The following SLC6A17 variants were observed in gnomAD, a reference collection of about 807,000 sequenced individuals.
SLC6A17 encodes solute carrier family 6 member 17.
Under a neutral mutation model 64.5 loss-of-function variants are expected in SLC6A17, and 21 were observed. That is an observed-to-expected ratio of 0.33 (90% confidence interval 0.23 to 0.47). SLC6A17 has a LOEUF of 0.47. SLC6A17 is among the 20% of genes least tolerant of loss of function. The pLI is 1.00. For missense variants in SLC6A17, 682 were observed against 963.2 expected (o/e 0.71, Z 3.86); for synonymous variants, 372 against 399.5 (o/e 0.93, Z 0.82).
Position 110,176,756 on chromosome 1 carries a change from C to T in SLC6A17, c.864+17C>T, listed in dbSNP as rs1375150910. The T allele has an allele frequency of 2.5e-6, 4 of 1,601,812 alleles. No homozygotes were observed. Among genetic ancestry groups the T allele is most frequent in the Admixed American group, 1.7e-5 (1 of 59,362 alleles). On this transcript the variant is annotated intron_variant, in intron 6 of 11. Coordinates refer to ENST00000331565, the MANE Select transcript of SLC6A17 (RefSeq NM_001010898.4). ...ACTCCCAAGGTAAGGGTTTGGGGCT[C>T]CCACATGCCAGGGAACAGCAACAGG...
At chr1:110,195,842 G>C in intron 10 of SLC6A17, 97 bp downstream of exon 10, 1 of 1,530,970 alleles carries the variant, frequency 6.5e-7, no homozygotes, top group South Asian at 1.2e-5. Flanking sequence ...TGGCAGAGCT[G>C]AAAGTGCCCT....
At chr1:110,189,405 C>T (rs1280935342) in intron 6 of SLC6A17, among the ~76,000 whole-genome samples, 2 of 152,134 alleles carry the variant, frequency 1.3e-5, no homozygotes, top group Non-Finnish European at 2.9e-5. Context: ...CCAGTCCATC[C>T]CGAAGGTCTC....
chr1:110,198,336 T>C lies in SLC6A17; in HGVS notation c.2076T>C (p.Arg692=). The change falls in exon 12 of 12, where the codon CGT becomes CGC. Residue 692 remains arginine, a synonymous_variant. Transcript: ENST00000331565. ...SEAPSPMPTH[R]SYLGPGSTSP... The stretch of plus-strand genomic sequence containing the variant: ...CACCTTCCCCCATGCCCACTCACCG[T>C]TCCTATCTGGGGCCCGGCAGCACAT... 3 of 1,614,128 alleles carry C rather than the reference T, an allele frequency of 1.9e-6. No individual in the cohort carries two copies. The highest frequency in any genetic ancestry group is 2.5e-6 in the Non-Finnish European group (3 of 1,179,996).
chr1:110,195,615 G>A lies in SLC6A17; in HGVS notation c.1522G>A (p.Gly508Arg). ...VGCCVFAFLV[G>R]LLFVQRSGNY... Reference sequence around the variant, plus strand: ...CTGCTGTGTCTTTGCATTCCTCGTGGGGCTGTTGTTCGTCCAGCGCTCCGG... The same window carrying A: ...CTGCTGTGTCTTTGCATTCCTCGTGAGGCTGTTGTTCGTCCAGCGCTCCGG... The change falls in exon 10 of 12, where the codon GGG (glycine) becomes AGG (arginine). Residue 508 changes from glycine (G) to arginine (R), a missense_variant. Gly to Arg is a moderately radical substitution (Grantham distance 125). This residue lies in a region of SLC6A17 where 264 missense variants were observed against 339.5 expected (regional missense o/e 0.78). Coordinates refer to ENST00000331565, the MANE Select transcript of SLC6A17 (RefSeq NM_001010898.4). 6.2e-7 allele frequency: 1 copy of A among 1,614,212 alleles called. No individual in the cohort carries two copies. Among genetic ancestry groups the A allele is most frequent in the Non-Finnish European group, 8.5e-7 (1 of 1,180,036 alleles).
chr1:110,192,762 G>T lies in SLC6A17; in HGVS notation c.1299+64G>T. The T allele has an allele frequency of 6.5e-7, 1 of 1,532,282 alleles. No individual in the cohort carries two copies. The highest frequency in any genetic ancestry group is 8.8e-7 in the Non-Finnish European group (1 of 1,136,196). The allele number at this position is 1,532,282 out of a possible 1,614,324, so 94.9% of individuals were successfully genotyped here. A position where few individuals can be genotyped will look rare whatever the true frequency, so the allele number is the denominator to read the frequency against. On this transcript the variant is annotated intron_variant, in intron 8 of 11. Transcript: ENST00000331565. The surrounding 1 kb of genome is among the most constrained non-coding windows in gnomAD (Gnocchi z 4.3). Reference sequence around the variant, plus strand: ...CCCAGAGAGCAGCTGTGGCCGGCGGGAGCTTGGGCTCAGGCCTCAGGATGC... The same window carrying T: ...CCCAGAGAGCAGCTGTGGCCGGCGGTAGCTTGGGCTCAGGCCTCAGGATGC...
At chr1:110,194,105 C>T (rs889483902) in intron 8 of SLC6A17, among the ~76,000 whole-genome samples, 2 of 152,144 alleles carry the variant, frequency 1.3e-5, no homozygotes, top group African/African-American at 4.8e-5. Context: ...AGTCATTGTC[C>T]GTGGGGTGAG....
intron 1 of SLC6A17, among the ~76,000 whole-genome samples, chr1:110,161,607 C>G (rs1037007505): frequency 6.6e-6 from 1 of 152,064 alleles, no homozygotes; most frequent in African/African-American, 2.4e-5. Flanking sequence ...GATGGTGGCT[C>G]CCCCACTCAC....
intron 2 of SLC6A17, among the ~76,000 whole-genome samples, chr1:110,170,676 C>A (rs1018417591): frequency 3.9e-5 from 6 of 152,186 alleles, no homozygotes; most frequent in African/African-American, 1.4e-4. Flanking sequence ...GATGGGGCTG[C>A]TTGTTAGTGA....
chr1:110,184,947 G>T (rs1656639635), intron 6 of SLC6A17, among the ~76,000 whole-genome samples: 1 of 152,222 alleles, frequency 6.6e-6, no homozygotes. Context: ...GGATCGGGGT[G>T]TGCATCAACT....
In SLC6A17 at chr1:110,176,618, CCT is replaced by C. The variant is rs1656381597; in HGVS notation, c.754-6_754-5del. ...GCTCTGCCTGATGGGGGTTCCCTGT[CCT>C]CTCTGCAGGTGATGTATTTCAGCTC... On this transcript the variant is annotated splice_polypyrimidine_tract_variant and intron_variant, in intron 5 of 11. Transcript: ENST00000331565. 6.2e-7 allele frequency: 1 copy of C among 1,613,474 alleles called. No individual in the cohort carries two copies. Among genetic ancestry groups the C allele is most frequent in the Non-Finnish European group, 8.5e-7 (1 of 1,179,470 alleles).
intron 6 of SLC6A17, among the ~76,000 whole-genome samples, chr1:110,188,000 A>C (rs1020814442): frequency 1.9e-4 from 29 of 152,346 alleles, no homozygotes; most frequent in African/African-American, 6.3e-4. Context: ...TTTGGTTTTG[A>C]TCCTCCAGAA....
At chr1:110,194,094 C>T (rs2100949697) in intron 8 of SLC6A17, among the ~76,000 whole-genome samples, 1 of 152,262 alleles carries the variant, frequency 6.6e-6, no homozygotes, top group Admixed American at 6.5e-5. Flanking sequence ...CAGACCAATC[C>T]AGTCATTGTC....
rs1296153917 is a variant in SLC6A17, at chr1:110,198,718, A to G, written c.*274A>G. Reference sequence around the variant, plus strand: ...AAATTGTAGCCATGTAATTGGAACAACCCATAAGGCCTGCTTCCCAGTCCA... The same window carrying G: ...AAATTGTAGCCATGTAATTGGAACAGCCCATAAGGCCTGCTTCCCAGTCCA... On this transcript the variant is annotated 3_prime_UTR_variant, in exon 12 of 12. Transcript: ENST00000331565. 4.6e-6 allele frequency: 2 copies of G among 434,904 alleles called. No individual in the cohort carries two copies. The highest frequency in any genetic ancestry group is 8.1e-6 in the Non-Finnish European group (2 of 248,076). 26.9% of individuals were successfully genotyped at this position (434,904 alleles called of 1,614,324 possible). A position where few individuals can be genotyped will look rare whatever the true frequency, so the allele number is the denominator to read the frequency against.
intron 10 of SLC6A17, 42 bp downstream of exon 10, chr1:110,195,787 C>T (rs777920021): frequency 6.2e-7 from 1 of 1,611,466 alleles, no homozygotes; most frequent in South Asian, 1.1e-5. Flanking sequence ...GAGGAGGGGT[C>T]TGTCCTATCA....
chr1:110,173,828 G>T (rs532082147), intron 3 of SLC6A17, 145 bp from the exon 4 acceptor site: 5 of 1,178,206 alleles, frequency 4.2e-6, no homozygotes, highest in Non-Finnish European at 5.7e-6. Context: ...GCTCCTCCAC[G>T]GCCCGCACCC....
intron 1 of SLC6A17, among the ~76,000 whole-genome samples, chr1:110,153,532 T>TGTGTGTGTGTGTGTGTGTGTGC (rs1655663727): frequency 6.6e-6 from 1 of 151,570 alleles, no homozygotes; most frequent in Non-Finnish European, 1.5e-5. Context: ...TGTGTGTGTG[T>TGTGTGTGTGTGTGTGTGTGTGC]GTGTGTGTGT....
chr1:110,175,983 C>T lies in SLC6A17; in HGVS notation c.754-646C>T, dbSNP rs72984711. Among the ~76,000 whole-genome samples, 1,222 of 152,298 alleles carry T rather than the reference C, an allele frequency of 8.0e-3. 14 individuals are homozygous for T. The highest frequency in any genetic ancestry group is 0.028 in the African/African-American group (1,174 of 41,552). On this transcript the variant is annotated intron_variant, in intron 5 of 11. Transcript: ENST00000331565. ...AAGTGGTAGAGCCAGGGTTAGAACTCAGGCAGCCTAACACCAGACTTGCAT... is the reference window on the plus strand; with the variant it reads ...AAGTGGTAGAGCCAGGGTTAGAACTTAGGCAGCCTAACACCAGACTTGCAT...
chr1:110,166,853 G>C lies in SLC6A17; in HGVS notation c.-77G>C. 1 of 1,503,158 alleles carries C rather than the reference G, an allele frequency of 6.7e-7. No individual in the cohort carries two copies. Among genetic ancestry groups the C allele is most frequent in the African/African-American group, 1.4e-5 (1 of 71,830 alleles). The allele number at this position is 1,503,158 out of a possible 1,614,324, so 93.1% of individuals were successfully genotyped here. A position where few individuals can be genotyped will look rare whatever the true frequency, so the allele number is the denominator to read the frequency against. Reference sequence around the variant, plus strand: ...CACCTGGTTTCCTAGGTCCCTGAATGAGAAGGAGCTGACAGCAGCTGAATT... The same window carrying C: ...CACCTGGTTTCCTAGGTCCCTGAATCAGAAGGAGCTGACAGCAGCTGAATT... On this transcript the variant is annotated 5_prime_UTR_variant, in exon 2 of 12. An upstream start codon of the reference 5' UTR is lost. Coordinates refer to ENST00000331565, the MANE Select transcript of SLC6A17 (RefSeq NM_001010898.4).
intron 6 of SLC6A17, among the ~76,000 whole-genome samples, chr1:110,187,391 TG>T (rs1181578979): frequency 6.6e-6 from 1 of 152,218 alleles, no homozygotes; most frequent in African/African-American, 2.4e-5. Flanking sequence ...GCTTGGTGTT[TG>T]CCTTATTTGA....
Sources: allele counts gnomAD v4.1 joint callset (sites outside exome capture counted in the v4.1 genomes callset), GRCh38; gene constraint gnomAD v4.1.1; regional missense constraint gnomAD v4.1.1; non-coding constraint Gnocchi (gnomAD v3.1); transcripts MANE v1.5; gene names NCBI Gene and HGNC (gene_info 2026-07-23, HGNC 2026-07-21).